Variants in EYS observed in about 807,000 individuals in gnomAD.
EYS encodes protein eyes shut homolog.
EYS carries 250 observed loss-of-function variants against 282.1 expected under a neutral mutation model. That is an observed-to-expected ratio of 0.89 (90% confidence interval 0.80 to 0.98). The LOEUF is 0.98. Ranked by LOEUF, EYS falls within the 50% of genes least tolerant of loss-of-function variation. The pLI is 0.00. For missense variants in EYS, 4,016 were observed against 3,709.0 expected (o/e 1.08, Z -2.15); for synonymous variants, 1,355 against 1,282.9 (o/e 1.06, Z -1.20).
chr6:63,859,001 C>T (rs1425472292), intron 36 of EYS, among the ~76,000 whole-genome samples: 2 of 147,976 alleles, frequency 1.4e-5, no homozygotes, highest in African/African-American at 5.0e-5. Context: ...TGTCTTTAAT[C>T]ACTGCAGAGT....
At chr6:64,019,784 T>C (rs1022517176) in intron 33 of EYS, among the ~76,000 whole-genome samples, 2 of 148,708 alleles carry the variant, frequency 1.3e-5, no homozygotes, top group African/African-American at 5.0e-5. Flanking sequence ...GTTCAATAGT[T>C]GAATTTGGAG....
At chr6:64,435,631 A>G (rs1774717082) in intron 28 of EYS, among the ~76,000 whole-genome samples, 1 of 151,898 alleles carries the variant, frequency 6.6e-6, no homozygotes, top group Non-Finnish European at 1.5e-5. Flanking sequence ...TATATTAAAA[A>G]TTAAAATTTA....
chr6:64,246,292 C>A (rs111652292), intron 30 of EYS, among the ~76,000 whole-genome samples: 1 of 151,464 alleles, frequency 6.6e-6, no homozygotes, highest in Non-Finnish European at 1.5e-5. Context: ...TCTTTGTTAG[C>A]ATGAACGTTA....
intron 13 of EYS, among the ~76,000 whole-genome samples, chr6:65,018,965 G>T (rs1583403773): frequency 6.6e-6 from 1 of 151,998 alleles, no homozygotes; most frequent in East Asian, 1.9e-4. Flanking sequence ...CATCATTTTG[G>T]ATTCTAGAAA....
At chr6:64,999,086 T>G (rs935728075) in intron 13 of EYS, among the ~76,000 whole-genome samples, 1 of 152,222 alleles carries the variant, frequency 6.6e-6, no homozygotes, top group African/African-American at 2.4e-5. Flanking sequence ...AATAAATGTG[T>G]TTCTAACATA....
intron 12 of EYS, among the ~76,000 whole-genome samples, chr6:65,243,425 G>C (rs759241498): frequency 2.0e-5 from 3 of 152,120 alleles, no homozygotes; most frequent in Non-Finnish European, 2.9e-5. Context: ...GGGGGGTGAA[G>C]GAACTTCTTT....
At chr6:64,516,343 G>A (rs974900060) in intron 26 of EYS, among the ~76,000 whole-genome samples, 56 of 151,402 alleles carry the variant, frequency 3.7e-4, no homozygotes, top group African/African-American at 1.3e-3. Context: ...AGTAACTAAT[G>A]GGTACCAGGC....
At chr6:64,544,654 A>G (rs1224197498) in intron 26 of EYS, among the ~76,000 whole-genome samples, 1 of 152,180 alleles carries the variant, frequency 6.6e-6, no homozygotes, top group East Asian at 1.9e-4. Context: ...AGAGAGAAGA[A>G]TCAAATAGAC....
chr6:64,320,870 T>G (rs1770192616), intron 29 of EYS, among the ~76,000 whole-genome samples: 1 of 151,790 alleles, frequency 6.6e-6, no homozygotes, highest in Non-Finnish European at 1.5e-5. Flanking sequence ...CCAGAAAACC[T>G]ATATGCTTTT....
rs934162317 is a variant in EYS, at chr6:65,490,665, A to T, written c.791T>A (p.Val264Asp). 1.9e-6 allele frequency: 3 copies of T among 1,612,974 alleles called. No homozygotes were observed. The South Asian group carries it at 3.3e-5, about 18-fold the overall frequency. The stretch of plus-strand genomic sequence containing the variant: ...ATTGCTGCAGTTTCCATGGAAACAG[A>T]CATGTGGTTGACACTGGCCAATTAT... Reference protein sequence around the residue: ...SEIIGQCQPHVCFHGNCSNIT... With the variant: ...SEIIGQCQPHDCFHGNCSNIT... The change falls in exon 5 of 43, where the codon GTC becomes GAC. Residue 264 changes from valine to aspartate, a missense_variant. Coordinates refer to ENST00000503581, the MANE Select transcript of EYS (RefSeq NM_001142800.2).
intron 2 of EYS, among the ~76,000 whole-genome samples, chr6:65,606,280 A>G (rs1337254541): frequency 1.3e-5 from 2 of 151,832 alleles, no homozygotes; most frequent in Non-Finnish European, 2.9e-5. Flanking sequence ...TGAAATGATC[A>G]CATCAAAGTA....
intron 13 of EYS, among the ~76,000 whole-genome samples, chr6:65,032,755 T>C (rs907076947): frequency 2.6e-5 from 4 of 152,048 alleles, no homozygotes; most frequent in African/African-American, 9.7e-5. Context: ...ACATTGGTAC[T>C]GAAGAGTAGA....
chr6:63,733,788 C>T (rs1436895430), intron 41 of EYS, among the ~76,000 whole-genome samples: 1 of 152,076 alleles, frequency 6.6e-6, no homozygotes, highest in African/African-American at 2.4e-5. Flanking sequence ...GGTTAGAGAT[C>T]CAAATATTTT....
At chr6:65,171,569 T>A (rs62407235) in intron 12 of EYS, among the ~76,000 whole-genome samples, 27,658 of 150,954 alleles carry the variant, frequency 0.18, 3,359 homozygotes, top group South Asian at 0.25. Flanking sequence ...CTGAAGTATA[T>A]TTCTTTAGTT....
At chr6:64,180,684 T>C (rs1176284894) in intron 31 of EYS, among the ~76,000 whole-genome samples, 2 of 152,142 alleles carry the variant, frequency 1.3e-5, no homozygotes, top group Non-Finnish European at 2.9e-5. Flanking sequence ...ACAAACCTCA[T>C]CTTAATAAGT....
At chr6:65,215,984 G>A (rs1766302354) in intron 12 of EYS, among the ~76,000 whole-genome samples, 1 of 152,038 alleles carries the variant, frequency 6.6e-6, no homozygotes, top group Non-Finnish European at 1.5e-5. Flanking sequence ...ATGCACTAGA[G>A]AACAAAAATA....
intron 36 of EYS, among the ~76,000 whole-genome samples, chr6:63,826,389 G>A (rs1236497323): frequency 6.6e-6 from 1 of 152,164 alleles, no homozygotes; most frequent in Non-Finnish European, 1.5e-5. Flanking sequence ...AGCACAAAGA[G>A]CACCTGGGAA....
intron 2 of EYS, among the ~76,000 whole-genome samples, chr6:65,527,350 T>C (rs1767608179): frequency 6.6e-6 from 1 of 152,160 alleles, no homozygotes; most frequent in African/African-American, 2.4e-5. Context: ...TATGGGTTGG[T>C]TTATGGTAGC....
chr6:64,305,504 A>T (rs1352949131), intron 30 of EYS, among the ~76,000 whole-genome samples: 1 of 152,218 alleles, frequency 6.6e-6, no homozygotes, highest in African/African-American at 2.4e-5. Context: ...TACCTTTGTA[A>T]TTAAAACCTT....
Sources: allele counts gnomAD v4.1 joint callset (sites outside exome capture counted in the v4.1 genomes callset), GRCh38; gene constraint gnomAD v4.1.1; transcripts MANE v1.5; gene names NCBI Gene and HGNC (gene_info 2026-07-23, HGNC 2026-07-21).